SMARCA2: variants seen among roughly 807,000 people sequenced by gnomAD.
SMARCA2 encodes the protein SWI/SNF related BAF chromatin remodeling complex subunit ATPase 2.
A neutral mutation model predicts 199.8 loss-of-function variants in SMARCA2; 61 were observed. That is an observed-to-expected ratio of 0.31 (90% confidence interval 0.25 to 0.38). The LOEUF (loss-of-function observed/expected upper bound fraction) is 0.38. SMARCA2 is among the 10% of genes least tolerant of loss of function. The probability of loss-of-function intolerance (pLI) is 1.00; values close to 1 mark genes in which losing one functional copy is unlikely to be tolerated. For missense variants in SMARCA2, 1,344 were observed against 2,012.2 expected (o/e 0.67, Z 6.35); for synonymous variants, 935 against 732.0 (o/e 1.28, Z -4.48).
At chr9:2,156,103 T>C (rs1825346546) in intron 27 of SMARCA2, among the ~76,000 whole-genome samples, 1 of 152,216 alleles carries the variant, frequency 6.6e-6, no homozygotes, top group Non-Finnish European at 1.5e-5. Context: ...TACACAGTTA[T>C]TTTCTTACAT....
At chr9:2,076,425 T>C (rs1821325830) in intron 13 of SMARCA2, 96 bp downstream of exon 13, 1 of 784,688 alleles carries the variant, frequency 1.3e-6, no homozygotes, top group Non-Finnish European at 2.3e-6. Context: ...GGCAACTAAC[T>C]TCACGCCTAC....
At chr9:2,164,257 A>G (rs777279691) in intron 28 of SMARCA2, among the ~76,000 whole-genome samples, 31 of 152,148 alleles carry the variant, frequency 2.0e-4, no homozygotes, top group Admixed American at 1.5e-3. Flanking sequence ...TTTCCTAGAA[A>G]CCATCCAGAA....
chr9:2,027,098 CT>C (rs141257967), intron 1 of SMARCA2, among the ~76,000 whole-genome samples: 18,786 of 152,152 alleles, frequency 0.12, 1,508 homozygotes, highest in African/African-American at 0.22. Flanking sequence ...TTAAGGATTT[CT>C]TTATGGGAAC....
intron 27 of SMARCA2, among the ~76,000 whole-genome samples, chr9:2,136,400 C>G (rs898467410): frequency 1.3e-5 from 2 of 152,020 alleles, no homozygotes; most frequent in African/African-American, 4.8e-5. Context: ...GTTGGCCAAT[C>G]TGGTCTCGAA....
chr9:2,086,804 G>A lies in SMARCA2; in HGVS notation c.2527-25G>A, dbSNP rs76351948. 0.054 allele frequency: 86,401 copies of A among 1,612,856 alleles called. 2,657 individuals carry two copies. The highest frequency in any genetic ancestry group is 0.06 in the Non-Finnish European group (70,517 of 1,179,194). On this transcript the variant is annotated intron_variant, in intron 17 of 33. Transcript: ENST00000349721. This position sits in a 1 kb window ranked among gnomAD's most constrained non-coding sequence, Gnocchi z 4.3. ...TTGTATTTTCCCTTGCTTACTACAC[G>A]TCCGTCCTTCCTCTTGTGTTATAGA...
Position 2,186,356 on chromosome 9 carries a change from C to T in SMARCA2, c.4594+128C>T, listed in dbSNP as rs1452342121. 7.3e-6 allele frequency: 7 copies of T among 954,686 alleles called. No homozygotes were observed. The Admixed American group carries it at 1.1e-4, about 15-fold the overall frequency. 59.1% of individuals were successfully genotyped at this position (954,686 alleles called of 1,614,324 possible). A position where few individuals can be genotyped will look rare whatever the true frequency, so the allele number is the denominator to read the frequency against. The stretch of plus-strand genomic sequence containing the variant: ...GATTGGAGCCCTTATTCCACTTTGT[C>T]CTTGCTGGGCAACCGGTGGCCATGT... On this transcript the variant is annotated intron_variant, in intron 32 of 33. Coordinates refer to ENST00000349721, the MANE Select transcript of SMARCA2 (RefSeq NM_003070.5).
chr9:2,084,657 T>A (rs1821722226), intron 17 of SMARCA2, among the ~76,000 whole-genome samples: 1 of 152,204 alleles, frequency 6.6e-6, no homozygotes, highest in Non-Finnish European at 1.5e-5. Flanking sequence ...CTCCACCATA[T>A]GAACATTTAT....
chr9:2,149,305 G>C lies in SMARCA2; in HGVS notation c.3982-12381G>C, dbSNP rs373730754. ...GGCTGAGGCAGGTGGATCACCTGAG[G>C]TCAGGAGTTCAAGACCAGCCTGGCC... On this transcript the variant is annotated intron_variant, in intron 27 of 33. Coordinates refer to ENST00000349721, the MANE Select transcript of SMARCA2 (RefSeq NM_003070.5). 1.8e-3 allele frequency among the ~76,000 whole-genome samples: 268 copies of C among 149,354 alleles called. 3 individuals are homozygous for C. The highest frequency in any genetic ancestry group is 6.2e-3 in the African/African-American group (255 of 41,196).
chr9:2,193,001 A>G lies in SMARCA2; in HGVS notation c.*262A>G, dbSNP rs1586828177. On this transcript the variant is annotated 3_prime_UTR_variant, in exon 34 of 34. Coordinates refer to ENST00000349721, the MANE Select transcript of SMARCA2 (RefSeq NM_003070.5). ...AAACAAAAAGCTTTTGATGGAAAAT[A>G]TGTGGGTGGATAGTATATTTCTATG... 9.0e-6 allele frequency: 4 copies of G among 443,548 alleles called. No individual in the cohort carries two copies. Among genetic ancestry groups the G allele is most frequent in the Non-Finnish European group, 1.6e-5 (4 of 251,308 alleles). The allele number at this position is 443,548 out of a possible 1,614,324, so 27.5% of individuals were successfully genotyped here.
intron 27 of SMARCA2, among the ~76,000 whole-genome samples, chr9:2,149,499 G>A (rs1027480516): frequency 2.6e-5 from 4 of 151,456 alleles, no homozygotes; most frequent in African/African-American, 9.7e-5. Context: ...CAGCCTGGGC[G>A]ACAGAGTGAG....
rs118024281 is a variant in SMARCA2 at position 2,063,427 on chromosome 9, A to G, written c.1692+2441A>G. ...TCTTCTAGCTTCTCTGTAGTGGAGG[A>G]AAACTTCTGTGTCTATGAGCATAAA... is the stretch of plus-strand genomic sequence containing the variant. On this transcript the variant is annotated intron_variant, in intron 9 of 33. Transcript: ENST00000349721. Among the ~76,000 whole-genome samples the G allele has an allele frequency of 9.3e-4, 141 of 152,328 alleles. 2 individuals are homozygous for G. In the East Asian group the frequency reaches 0.026, roughly 28 times the overall value.
chr9:2,083,199 AC>A, intron 15 of SMARCA2, 147 bp from the exon 16 acceptor site: 1 of 459,360 alleles, frequency 2.2e-6, no homozygotes, highest in Non-Finnish European at 3.8e-6. Context: ...TCCTATTTCC[AC>A]ACCTTTAAAA....
chr9:2,083,713 C>T (rs1257742148), intron 16 of SMARCA2, among the ~76,000 whole-genome samples: 1 of 152,242 alleles, frequency 6.6e-6, no homozygotes, highest in African/African-American at 2.4e-5. Context: ...CTGTGGGCTG[C>T]TACTGTGCTG....
chr9:2,149,316 A>C (rs1389653918), intron 27 of SMARCA2, among the ~76,000 whole-genome samples: 1 of 135,814 alleles, frequency 7.4e-6, no homozygotes, highest in Non-Finnish European at 1.7e-5. Flanking sequence ...TCAGGAGTTC[A>C]AGACCAGCCT....
intron 16 of SMARCA2, 100 bp from the exon 17 acceptor site, chr9:2,083,986 C>T: frequency 1.5e-6 from 1 of 665,790 alleles, no homozygotes; most frequent in Admixed American, 2.5e-5. Context: ...TCTGTGCATT[C>T]TTCAGTCACA....
chr9:2,160,736 T>A, intron 27 of SMARCA2: 2 of 464,164 alleles, frequency 4.3e-6, no homozygotes, highest in Admixed American at 7.1e-5. Flanking sequence ...TTATTTTGTG[T>A]GAGAGAGCAA....
intron 29 of SMARCA2, among the ~76,000 whole-genome samples, chr9:2,178,266 G>A (rs966227212): frequency 6.6e-6 from 1 of 152,090 alleles, no homozygotes; most frequent in Admixed American, 6.6e-5. Flanking sequence ...TGTATTTCAA[G>A]TTGTACCCCT....
intron 27 of SMARCA2, among the ~76,000 whole-genome samples, chr9:2,128,259 C>T (rs1823785457): frequency 6.6e-6 from 1 of 152,334 alleles, no homozygotes; most frequent in Non-Finnish European, 1.5e-5. Context: ...CTGGTCTGCT[C>T]CTTTCCTGGG....
intron 27 of SMARCA2, chr9:2,160,894 A>C: frequency 5.4e-6 from 2 of 367,004 alleles, no homozygotes; most frequent in Non-Finnish European, 9.8e-6. Context: ...AAAAAAAAAA[A>C]AAGTTTAAAC....
Sources: allele counts gnomAD v4.1 joint callset (sites outside exome capture counted in the v4.1 genomes callset), GRCh38; gene constraint gnomAD v4.1.1; non-coding constraint Gnocchi (gnomAD v3.1); transcripts MANE v1.5; gene names NCBI Gene and HGNC (gene_info 2026-07-23, HGNC 2026-07-21).